Variants in PDE7A observed in about 807,000 individuals in gnomAD.
PDE7A encodes high affinity 3',5'-cyclic-AMP phosphodiesterase 7A.
PDE7A carries 39 observed loss-of-function variants against 64.3 expected under a neutral mutation model. The ratio of observed to expected loss-of-function variants is 0.61; its 90% CI spans 0.47 to 0.79. The LOEUF is 0.79. PDE7A is among the 30% of genes least tolerant of loss of function. The probability of loss-of-function intolerance (pLI) is 0.00; values close to 1 mark genes in which losing one functional copy is unlikely to be tolerated. For missense variants in PDE7A, 470 were observed against 582.8 expected (o/e 0.81, Z 1.99); for synonymous variants, 203 against 206.8 (o/e 0.98, Z 0.16).
chr8:65,734,904 A>G lies in PDE7A; in HGVS notation c.596-10T>C, dbSNP rs1348376233. 6.4e-7 allele frequency: 1 copy of G among 1,551,524 alleles called. No homozygotes were observed. Among genetic ancestry groups the G allele is most frequent in the South Asian group, 1.1e-5 (1 of 89,542 alleles). On this transcript the variant is annotated splice_polypyrimidine_tract_variant and intron_variant, in intron 6 of 12. Coordinates refer to ENST00000401827, the MANE Select transcript of PDE7A (RefSeq NM_001242318.3). ...TCTTCTTGAATCATAACTGCATCAAAGAAAGAGATCCCGATTTTATTGTAT... is the reference window on the plus strand; with the variant it reads ...TCTTCTTGAATCATAACTGCATCAAGGAAAGAGATCCCGATTTTATTGTAT...
intron 1 of PDE7A, among the ~76,000 whole-genome samples, chr8:65,793,305 A>C (rs1809749969): frequency 6.6e-6 from 1 of 152,226 alleles, no homozygotes; most frequent in Non-Finnish European, 1.5e-5. Context: ...TCAGAAAAAC[A>C]TATAGCAAAT....
rs183178423 is a variant in PDE7A, at chr8:65,812,193, C to T, written c.138+29178G>A. ...CTGCACTCCAGCCTGGGTGACAGCGCGAGACCGTTTCAAAAACAGAAAAAA... is the reference window on the plus strand; with the variant it reads ...CTGCACTCCAGCCTGGGTGACAGCGTGAGACCGTTTCAAAAACAGAAAAAA... On this transcript the variant is annotated intron_variant, in intron 1 of 12. Transcript: ENST00000401827. 9.0e-4 allele frequency among the ~76,000 whole-genome samples: 131 copies of T among 144,898 alleles called. 1 individual carries two copies. Among genetic ancestry groups the T allele is most frequent in the African/African-American group, 2.5e-3 (97 of 38,656 alleles).
intron 1 of PDE7A, among the ~76,000 whole-genome samples, chr8:65,839,051 T>C (rs1811014685): frequency 6.6e-6 from 1 of 152,210 alleles, no homozygotes; most frequent in African/African-American, 2.4e-5. Context: ...TGATGCTCAG[T>C]CAGAGATAAT....
In PDE7A at chr8:65,841,651, G is replaced by A; in HGVS notation, c.-143C>T. Reference sequence around the variant, plus strand: ...GACCGACCCCGGGCTGGGAAGCCGCGCTCACGCCTCCCCAACCCCAGCCCT... The same window carrying A: ...GACCGACCCCGGGCTGGGAAGCCGCACTCACGCCTCCCCAACCCCAGCCCT... On this transcript the variant is annotated 5_prime_UTR_variant, in exon 1 of 13. Coordinates refer to ENST00000401827, the MANE Select transcript of PDE7A (RefSeq NM_001242318.3). 5.0e-6 allele frequency: 1 copy of A among 200,136 alleles called. No individual in the cohort carries two copies. Among genetic ancestry groups the A allele is most frequent in the Non-Finnish European group, 9.5e-6 (1 of 105,294 alleles). 12.4% of individuals were successfully genotyped at this position (200,136 alleles called of 1,614,324 possible). A position where few individuals can be genotyped will look rare whatever the true frequency, so the allele number is the denominator to read the frequency against.
intron 3 of PDE7A, among the ~76,000 whole-genome samples, chr8:65,758,806 T>A (rs1808354860): frequency 6.6e-6 from 1 of 152,226 alleles, no homozygotes; most frequent in Non-Finnish European, 1.5e-5. Flanking sequence ...AGCATTTGCA[T>A]CTTCCACAAG....
chr8:65,746,283 A>G (rs1807673098), intron 4 of PDE7A, among the ~76,000 whole-genome samples: 1 of 152,118 alleles, frequency 6.6e-6, no homozygotes, highest in African/African-American at 2.4e-5. Flanking sequence ...CAAGCAAAAA[A>G]TAACTAACTT....
chr8:65,816,510 A>C (rs1810406672), intron 1 of PDE7A, among the ~76,000 whole-genome samples: 1 of 152,206 alleles, frequency 6.6e-6, no homozygotes, highest in Non-Finnish European at 1.5e-5. Flanking sequence ...TAAAGAACTT[A>C]ATCTTTTAGT....
At chr8:65,755,023 TA>T (rs200603387) in intron 3 of PDE7A, among the ~76,000 whole-genome samples, 5 of 144,858 alleles carry the variant, frequency 3.5e-5, no homozygotes, top group East Asian at 2.4e-4. Flanking sequence ...TTTTTTCACT[TA>T]TTTTTTTTTT....
chr8:65,773,785 C>A (rs890224499), intron 3 of PDE7A, among the ~76,000 whole-genome samples: 34 of 152,232 alleles, frequency 2.2e-4, no homozygotes, highest in African/African-American at 7.9e-4. Flanking sequence ...ACAATCTAAT[C>A]ATTTTTAATG....
At chr8:65,744,523 A>G (rs1563483247) in intron 5 of PDE7A, among the ~76,000 whole-genome samples, 1 of 152,144 alleles carries the variant, frequency 6.6e-6, no homozygotes, top group African/African-American at 2.4e-5. Flanking sequence ...TAAACTCAGG[A>G]GTGATTAGAA....
chr8:65,727,724 T>C (rs925070561), intron 7 of PDE7A: 3 of 155,452 alleles, frequency 1.9e-5, no homozygotes, highest in African/African-American at 7.2e-5. Flanking sequence ...AAATTGGTTA[T>C]TGGATTTCAA....
intron 3 of PDE7A, among the ~76,000 whole-genome samples, chr8:65,771,412 A>G (rs1809077046): frequency 6.6e-6 from 1 of 152,234 alleles, no homozygotes; most frequent in Admixed American, 6.5e-5. Flanking sequence ...GATACAGCAC[A>G]TAGAAGAAAT....
intron 1 of PDE7A, among the ~76,000 whole-genome samples, chr8:65,823,802 T>C (rs142783559): frequency 1.0e-3 from 157 of 152,284 alleles, no homozygotes; most frequent in African/African-American, 3.6e-3. Flanking sequence ...CTAAAAACTT[T>C]TATTAATAAT....
At chr8:65,782,354 T>A (rs1056812522) in intron 2 of PDE7A, among the ~76,000 whole-genome samples, 2 of 152,198 alleles carry the variant, frequency 1.3e-5, no homozygotes, top group Non-Finnish European at 2.9e-5. Flanking sequence ...GCACCAGAAC[T>A]AGAAGAAGTC....
At chr8:65,835,288 C>A (rs533354583) in intron 1 of PDE7A, among the ~76,000 whole-genome samples, 1 of 152,282 alleles carries the variant, frequency 6.6e-6, no homozygotes, top group East Asian at 1.9e-4. Flanking sequence ...CAAGAGACTT[C>A]TAACAAAATC....
At chr8:65,784,835 T>C (rs1809505730) in intron 1 of PDE7A, among the ~76,000 whole-genome samples, 1 of 151,732 alleles carries the variant, frequency 6.6e-6, no homozygotes, top group Non-Finnish European at 1.5e-5. Context: ...AAAAAAAATA[T>C]AAAAAAATGC....
At chr8:65,721,113 C>T (rs1046509669) in intron 12 of PDE7A, among the ~76,000 whole-genome samples, 1 of 146,586 alleles carries the variant, frequency 6.8e-6, no homozygotes, top group Non-Finnish European at 1.5e-5. Context: ...GGACCAGCCT[C>T]TCTCTTGGAG....
intron 12 of PDE7A, chr8:65,719,849 T>G (rs1585818472): frequency 3.7e-6 from 1 of 269,480 alleles, no homozygotes; most frequent in Admixed American, 4.7e-5. Flanking sequence ...CGAGGCAGAG[T>G]TGCAGTGCAA....
At chr8:65,808,016 C>CA (rs1810150978) in intron 1 of PDE7A, among the ~76,000 whole-genome samples, 1 of 152,206 alleles carries the variant, frequency 6.6e-6, no homozygotes, top group Admixed American at 6.5e-5. Context: ...GGAGCCTGCT[C>CA]ACACTGTTTC....
Sources: allele counts gnomAD v4.1 joint callset (sites outside exome capture counted in the v4.1 genomes callset), GRCh38; gene constraint gnomAD v4.1.1; transcripts MANE v1.5; gene names NCBI Gene and HGNC (gene_info 2026-07-23, HGNC 2026-07-21).